The following RNASEH1 variants were observed in gnomAD, a reference collection of about 807,000 sequenced individuals.
RNASEH1 encodes ribonuclease H type II.
In RNASEH1, 27 loss-of-function variants were observed where a neutral mutation model predicts 34.6. That is an observed-to-expected ratio of 0.78 (90% CI 0.58 to 1.08). RNASEH1 has a LOEUF of 1.08. RNASEH1 is among the 50% of genes least tolerant of loss of function. The pLI, the probability that RNASEH1 is intolerant of heterozygous loss-of-function variation, is 0.00. For missense variants in RNASEH1, 349 were observed against 373.6 expected, an observed-to-expected ratio of 0.93 and a Z score of 0.54; for synonymous variants, 162 against 138.4, an observed-to-expected ratio of 1.17 and a Z score of -1.20.
the RNASEH1 span, among the ~76,000 whole-genome samples, chr2:3,534,566 G>C: frequency 6.6e-6 from 1 of 152,258 alleles, no homozygotes; most frequent in Non-Finnish European, 1.5e-5. Context: ...CCAGACACCG[G>C]TGCCCAAGGC....
At chr2:3,549,959 A>G (rs1347009506) in intron 4 of RNASEH1, among the ~76,000 whole-genome samples, 1 of 150,282 alleles carries the variant, frequency 6.7e-6, no homozygotes, top group Non-Finnish European at 1.5e-5. Flanking sequence ...AAAAAAAAAA[A>G]AAAAGACTCC....
Position 3,556,914 on chromosome 2 carries a change from A to T in RNASEH1, c.129-10T>A. 3 of 1,574,868 alleles carry T rather than the reference A, an allele frequency of 1.9e-6. No individual in the cohort carries two copies. Among genetic ancestry groups the T allele is most frequent in the Non-Finnish European group, 2.6e-6 (3 of 1,144,298 alleles). ...TGCTCTGCACTCATTCCTGGAAAAG[A>T]TGTGCAATGTTATTTCCTTCTTCCT... On this transcript the variant is annotated splice_polypyrimidine_tract_variant and intron_variant, in intron 1 of 7. Transcript: ENST00000315212.
the RNASEH1 span, chr2:3,533,666 C>G: frequency 6.6e-6 from 1 of 152,262 alleles, no homozygotes; most frequent in Non-Finnish European, 1.5e-5. Context: ...CCTCCAAGAG[C>G]CAAACAGAAT....
In RNASEH1 at chr2:3,544,117, C is replaced by G. The variant is rs1668532643; in HGVS notation, c.*1668G>C. Among the ~76,000 whole-genome samples, 1 of 152,148 alleles carries G rather than the reference C, an allele frequency of 6.6e-6. No homozygotes were observed. The highest frequency in any genetic ancestry group is 6.5e-5 in the Admixed American group (1 of 15,270). On this transcript the variant is annotated 3_prime_UTR_variant, in exon 8 of 8. Coordinates refer to ENST00000315212, the MANE Select transcript of RNASEH1 (RefSeq NM_002936.6). The stretch of plus-strand genomic sequence containing the variant: ...AGAAAACCATTCCAGCTAATAAAGG[C>G]AAGCAAAACGACAGAATGAGAATAC...
chr2:3,558,079 C>A (rs1660718911), intron 1 of RNASEH1, 54 bp downstream of exon 1: 2 of 1,529,826 alleles, frequency 1.3e-6, no homozygotes, highest in East Asian at 4.8e-5. Context: ...CGGGCTCCGG[C>A]CTCCCTCGAC....
Position 3,543,373 on chromosome 2 carries a change from G to A in RNASEH1, c.*2412C>T, listed in dbSNP as rs369292218. Among the ~76,000 whole-genome samples, 2 of 152,178 alleles carry A rather than the reference G, an allele frequency of 1.3e-5. No individual in the cohort carries two copies. The highest frequency in any genetic ancestry group is 3.9e-4 in the East Asian group (2 of 5,192). On this transcript the variant is annotated 3_prime_UTR_variant, in exon 8 of 8. Transcript: ENST00000315212. ...GTCTAAAGTTTTTCTTTTAAGACAG[G>A]TTTGGAGCAGAAGCTCTATAAATTG...
rs781386982 is a variant in RNASEH1, at chr2:3,552,212, T to C, written c.341A>G (p.Tyr114Cys). The C allele has an allele frequency of 2.5e-6, 4 of 1,613,450 alleles. No individual in the cohort carries two copies. In the Admixed American group the frequency reaches 5.0e-5, roughly 20 times the overall value. The change falls in exon 3 of 8, where the codon TAT becomes TGT. Residue 114 changes from tyrosine to cysteine, a missense_variant. By Grantham distance (194) the Tyr-to-Cys change is radical. Coordinates refer to ENST00000315212, the MANE Select transcript of RNASEH1 (RefSeq NM_002936.6). ...DGDGHESAEPYAKHMKPSVEP... is the reference protein window; with the variant it reads ...DGDGHESAEPCAKHMKPSVEP... ...CACGCTCGGCTTCATGTGCTTTGCA[T>C]ACGGCTCTGCGCTTTCATGTCCATC...
At chr2:3,554,129 A>G (rs985229706) in intron 2 of RNASEH1, among the ~76,000 whole-genome samples, 2 of 152,188 alleles carry the variant, frequency 1.3e-5, no homozygotes, top group African/African-American at 4.8e-5. Flanking sequence ...TCGGAACCCT[A>G]AGGGCGCCGG....
chr2:3,552,307 C>T lies in RNASEH1; in HGVS notation c.246G>A (p.Gly82=). 6.2e-7 allele frequency: 1 copy of T among 1,612,812 alleles called. No homozygotes were observed. The highest frequency in any genetic ancestry group is 8.5e-7 in the Non-Finnish European group (1 of 1,179,736). Residue 82 remains glycine (G), a splice_region_variant and synonymous_variant, in exon 3 of 8, where the codon GGG becomes GGA. Coordinates refer to ENST00000315212, the MANE Select transcript of RNASEH1 (RefSeq NM_002936.6). ...ATTCTTGTCCATGTTGATTTTCATGCCCTGAAAGACAAGAGTCCACTCGTG... is the reference window on the plus strand; with the variant it reads ...ATTCTTGTCCATGTTGATTTTCATGTCCTGAAAGACAAGAGTCCACTCGTG... ...RKSASPEVSE[G]HENQHGQESE...
At chr2:3,555,143 C>T (rs1425213915) in intron 2 of RNASEH1, among the ~76,000 whole-genome samples, 1 of 152,352 alleles carries the variant, frequency 6.6e-6, no homozygotes, top group African/African-American at 2.4e-5. Flanking sequence ...CTTGGACCCT[C>T]GCTGCCATCC....
At chr2:3,541,198 G>A (rs552259125), downstream of RNASEH1, among the ~76,000 whole-genome samples, 9 of 151,918 alleles carry the variant, frequency 5.9e-5, no homozygotes, top group East Asian at 7.7e-4. Context: ...GTGTAGTGGC[G>A]GGCACCTGTA....
chr2:3,538,534 G>A (rs1668112985), downstream of RNASEH1, among the ~76,000 whole-genome samples: 1 of 152,042 alleles, frequency 6.6e-6, no homozygotes, highest in Admixed American at 6.6e-5. Flanking sequence ...ACAAAAGGCA[G>A]CCTGCTGTAA....
chr2:3,546,827 A>G (rs975679647), intron 7 of RNASEH1, among the ~76,000 whole-genome samples: 2 of 152,244 alleles, frequency 1.3e-5, no homozygotes, highest in Non-Finnish European at 2.9e-5. Flanking sequence ...CCTTTTTGTC[A>G]TAAAACAAAA....
rs1660428939 is a variant in RNASEH1, at chr2:3,555,747, T to C, written c.244+1042A>G. On this transcript the variant is annotated intron_variant, in intron 2 of 7. Transcript: ENST00000315212. ...TAGATCCAGAAATATTTTTAAAATC[T>C]TGCGCTCTAAAGTCGTCACCCTGCT... Among the ~76,000 whole-genome samples, 3 of 134,242 alleles carry C rather than the reference T, an allele frequency of 2.2e-5. 1 individual carries two copies. The highest frequency in any genetic ancestry group is 8.5e-5 in the African/African-American group (3 of 35,316). 88.1% of individuals were successfully genotyped at this position (134,242 alleles called of 152,430 possible).
chr2:3,558,153 C>T lies in RNASEH1; in HGVS notation c.108G>A (p.Lys36=). ...GMFYAVRRGR[K]TGVFLTWNEC... ...CTCACCAGGTCAGAAAGACCCCGGT[C>T]TTGCGGCCCCTCCTCACGGCATAGA... The change falls in exon 1 of 8, where the codon AAG becomes AAA. Residue 36 remains lysine, a synonymous_variant. Coordinates refer to ENST00000315212, the MANE Select transcript of RNASEH1 (RefSeq NM_002936.6). 2.5e-6 allele frequency: 4 copies of T among 1,601,826 alleles called. No homozygotes were observed. The highest frequency in any genetic ancestry group is 2.3e-5 in the East Asian group (1 of 44,038).
At chr2:3,539,485 G>T (rs1310850730), downstream of RNASEH1, among the ~76,000 whole-genome samples, 1 of 152,168 alleles carries the variant, frequency 6.6e-6, no homozygotes, top group Non-Finnish European at 1.5e-5. Flanking sequence ...GCCAATTCCT[G>T]TCTCTCAATG....
intron 4 of RNASEH1, chr2:3,550,142 T>TAAAAAA (rs1162099553): frequency 3.0e-4 from 73 of 241,308 alleles, no homozygotes; most frequent in South Asian, 8.2e-4. Context: ...GACCGTGTCT[T>TAAAAAA]AAAAAAAAAA....
intron 7 of RNASEH1, 150 bp downstream of exon 7, chr2:3,547,781 C>A: frequency 1.2e-6 from 1 of 825,982 alleles, no homozygotes. Context: ...GCCACTACGC[C>A]CAGCCTCAAA....
rs1226537952 is a variant in RNASEH1 at position 3,545,661 on chromosome 2, G to A, written c.*124C>T. ...ACAGAAGGCCACTGTGCCTGATTCC[G>A]TGTGAAAGACGCATCTGCCCATCAC... On this transcript the variant is annotated 3_prime_UTR_variant, in exon 8 of 8. Transcript: ENST00000315212. The A allele has an allele frequency of 8.7e-6, 6 of 692,716 alleles. No individual in the cohort carries two copies. Among genetic ancestry groups the A allele is most frequent in the African/African-American group, 5.3e-5 (3 of 56,086 alleles). 42.9% of individuals were successfully genotyped at this position (692,716 alleles called of 1,614,324 possible). A position where few individuals can be genotyped will look rare whatever the true frequency, so the allele number is the denominator to read the frequency against.
Sources: gnomAD v4.1 joint callset for allele counts (sites outside exome capture counted in the v4.1 genomes callset) on GRCh38, gnomAD v4.1.1 for gene constraint, MANE v1.5 for transcripts, NCBI Gene and HGNC (gene_info 2026-07-23, HGNC 2026-07-21) for gene names.